The following TM7SF3 variants were observed in gnomAD, a reference collection of about 807,000 sequenced individuals.
TM7SF3 encodes the protein transmembrane 7 superfamily member 3.
In TM7SF3, 60 loss-of-function variants were observed where a neutral mutation model predicts 65.5. That is an observed-to-expected ratio of 0.92 (90% CI 0.74 to 1.14). TM7SF3 has a LOEUF of 1.14. Among genes scored for constraint, TM7SF3 ranks in the 50% most tolerant of loss-of-function variants. The probability of loss-of-function intolerance (pLI) is 0.00; values close to 1 mark genes in which losing one functional copy is unlikely to be tolerated. For missense variants in TM7SF3, 623 were observed against 684.8 expected (o/e 0.91, Z 1.01); for synonymous variants, 264 against 259.6 (o/e 1.02, Z -0.16).
intron 1 of TM7SF3, among the ~76,000 whole-genome samples, chr12:27,004,942 A>G (rs909611061): frequency 6.6e-6 from 1 of 152,210 alleles, no homozygotes; most frequent in African/African-American, 2.4e-5. Flanking sequence ...AATATTAAGG[A>G]ATGGCCAATA....
intron 1 of TM7SF3, among the ~76,000 whole-genome samples, chr12:27,005,941 A>G (rs1941014272): frequency 6.6e-6 from 1 of 150,764 alleles, no homozygotes; most frequent in Admixed American, 6.6e-5. Flanking sequence ...CTGGGATTAC[A>G]GGCATGTGCC....
intron 4 of TM7SF3, 112 bp from the exon 5 acceptor site, chr12:26,995,520 C>A (rs1940554494): frequency 3.5e-5 from 41 of 1,160,976 alleles, no homozygotes; most frequent in Non-Finnish European, 4.9e-5. Context: ...TACAATTTAA[C>A]AGTTCACCTT....
intron 2 of TM7SF3, 65 bp from the exon 3 acceptor site, chr12:26,999,741 T>C: frequency 3.2e-6 from 5 of 1,563,720 alleles, no homozygotes; most frequent in Non-Finnish European, 4.4e-6. Context: ...ACTGAGCTGA[T>C]CCAGTGTGCA....
intron 2 of TM7SF3, among the ~76,000 whole-genome samples, chr12:27,001,010 G>A (rs1298843825): frequency 1.3e-5 from 2 of 152,028 alleles, no homozygotes; most frequent in East Asian, 3.9e-4. Context: ...AGGTAGCAGA[G>A]TAGTTTCAAT....
intron 5 of TM7SF3, among the ~76,000 whole-genome samples, chr12:26,991,485 C>G (rs1940367651): frequency 6.6e-6 from 1 of 152,208 alleles, no homozygotes; most frequent in African/African-American, 2.4e-5. Context: ...CCATTGTAAA[C>G]TATAAAATAG....
intron 3 of TM7SF3, among the ~76,000 whole-genome samples, chr12:26,997,695 T>C (rs1226632554): frequency 2.6e-5 from 4 of 151,948 alleles, no homozygotes; most frequent in Non-Finnish European, 4.4e-5. Flanking sequence ...TCACCTTCAC[T>C]CCTCCATCCC....
intron 9 of TM7SF3, among the ~76,000 whole-genome samples, chr12:26,977,474 C>T (rs1202050350): frequency 1.3e-5 from 2 of 152,214 alleles, no homozygotes; most frequent in African/African-American, 2.4e-5. Context: ...GGCCTCTTGG[C>T]CGGGCATGGT....
At chr12:26,985,814 T>TC (rs1386556185) in intron 6 of TM7SF3, among the ~76,000 whole-genome samples, 1 of 102,252 alleles carries the variant, frequency 9.8e-6, no homozygotes, top group Non-Finnish European at 2.0e-5. Flanking sequence ...TCGTTTTTTT[T>TC]TTTTTTTTTT....
At chr12:27,005,758 T>C (rs1941007053) in intron 1 of TM7SF3, among the ~76,000 whole-genome samples, 1 of 151,478 alleles carries the variant, frequency 6.6e-6, no homozygotes, top group African/African-American at 2.4e-5. Context: ...ACAAAATAAG[T>C]AGGGGGGTAT....
intron 5 of TM7SF3, among the ~76,000 whole-genome samples, chr12:26,992,035 C>T (rs1331700579): frequency 6.6e-6 from 1 of 152,088 alleles, no homozygotes; most frequent in Non-Finnish European, 1.5e-5. Flanking sequence ...GATGCCAATG[C>T]TATGCAAACA....
intron 9 of TM7SF3, chr12:26,979,504 CTTTACCTCCATTATTTCT>C: frequency 2.8e-6 from 1 of 356,998 alleles, no homozygotes; most frequent in East Asian, 5.3e-5. Context: ...TCCTTATTTC[CTTTACCTCCATTATTTCT>C]AATAAACACA....
At position 26,971,786 on chromosome 12, in the gene TM7SF3, TTCA is replaced by T. The variant is rs1361457816; in HGVS notation, c.*2176_*2178del. 6.6e-6 allele frequency: 1 copy of T among 152,196 alleles called. No individual in the cohort carries two copies. Among genetic ancestry groups the T allele is most frequent in the Non-Finnish European group, 1.5e-5 (1 of 68,026 alleles). The allele number at this position is 152,196 out of a possible 1,614,324, so 9.4% of individuals were successfully genotyped here. A position where few individuals can be genotyped will look rare whatever the true frequency, so the allele number is the denominator to read the frequency against. On this transcript the variant is annotated 3_prime_UTR_variant, in exon 12 of 12. Coordinates refer to ENST00000343028, the MANE Select transcript of TM7SF3 (RefSeq NM_016551.3). ...TACAGTAAATAATTTTTTAAAACTT[TTCA>T]TCAAGTTTCAGTGTTACTGAAGTTA...
chr12:27,008,522 GCAGT>G (rs541481091), intron 1 of TM7SF3, among the ~76,000 whole-genome samples: 2 of 152,018 alleles, frequency 1.3e-5, no homozygotes, highest in African/African-American at 4.8e-5. Context: ...TTTCATTTTA[GCAGT>G]CAATTTCAGG....
chr12:26,986,116 C>T (rs1940089270), intron 6 of TM7SF3, among the ~76,000 whole-genome samples: 1 of 151,974 alleles, frequency 6.6e-6, no homozygotes, highest in Admixed American at 6.5e-5. Flanking sequence ...GCGTGAGCCA[C>T]CGCACCCGGC....
chr12:26,971,823 CAG>C lies in TM7SF3; in HGVS notation c.*2140_*2141del, dbSNP rs1939374803. 6.6e-6 allele frequency: 1 copy of C among 152,246 alleles called. No homozygotes were observed. The highest frequency in any genetic ancestry group is 2.1e-4 in the South Asian group (1 of 4,826). 9.4% of individuals were successfully genotyped at this position (152,246 alleles called of 1,614,324 possible). ...CAGTGTTACTGAAGTTAATTATAGACAGTAAGGATTACAGAATAAGCAGTAAA... is the reference window on the plus strand; with the variant it reads ...CAGTGTTACTGAAGTTAATTATAGACTAAGGATTACAGAATAAGCAGTAAA... On this transcript the variant is annotated 3_prime_UTR_variant, in exon 12 of 12. Coordinates refer to ENST00000343028, the MANE Select transcript of TM7SF3 (RefSeq NM_016551.3).
At chr12:26,974,661 C>T (rs1014626626) in intron 11 of TM7SF3, among the ~76,000 whole-genome samples, 2 of 152,188 alleles carry the variant, frequency 1.3e-5, no homozygotes, top group Non-Finnish European at 2.9e-5. Context: ...CCCTACTGCA[C>T]TCACAGTGTA....
At chr12:26,998,525 AT>A (rs1427175252) in intron 3 of TM7SF3, among the ~76,000 whole-genome samples, 1 of 152,072 alleles carries the variant, frequency 6.6e-6, no homozygotes, top group Non-Finnish European at 1.5e-5. Flanking sequence ...TCCTACACCT[AT>A]TTTGTATCAC....
chr12:27,000,661 A>G (rs1940794269), intron 2 of TM7SF3, among the ~76,000 whole-genome samples: 1 of 152,100 alleles, frequency 6.6e-6, no homozygotes, highest in African/African-American at 2.4e-5. Flanking sequence ...AGGTTTCACC[A>G]TGTTAGCCAG....
intron 5 of TM7SF3, among the ~76,000 whole-genome samples, chr12:26,992,790 A>G (rs993436716): frequency 1.3e-5 from 2 of 152,142 alleles, no homozygotes; most frequent in African/African-American, 4.8e-5. Context: ...TCAAACCATC[A>G]TAAGTCAGGG....
Sources: gnomAD v4.1 joint callset for allele counts (sites outside exome capture counted in the v4.1 genomes callset) on GRCh38, gnomAD v4.1.1 for gene constraint, MANE v1.5 for transcripts, NCBI Gene and HGNC (gene_info 2026-07-23, HGNC 2026-07-21) for gene names.